Variants in LAMA2 observed in about 807,000 individuals in gnomAD.
LAMA2 encodes laminin subunit alpha-2.
LAMA2 carries 269 observed loss-of-function variants against 364.8 expected under a neutral mutation model. That is an observed-to-expected ratio of 0.74 (90% confidence interval 0.67 to 0.82). The LOEUF (loss-of-function observed/expected upper bound fraction) is 0.82, where lower values mean the gene tolerates loss of function less well. Ranked by LOEUF, LAMA2 falls within the 40% of genes least tolerant of loss-of-function variation. LAMA2 has a pLI of 0.00. For missense variants in LAMA2, 3,807 were observed against 3,873.2 expected (o/e 0.98, Z 0.45); for synonymous variants, 1,379 against 1,370.6 (o/e 1.01, Z -0.14).
chr6:129,289,938 A>T (rs1263436454), intron 19 of LAMA2, among the ~76,000 whole-genome samples: 1 of 152,168 alleles, frequency 6.6e-6, no homozygotes, highest in Non-Finnish European at 1.5e-5. Context: ...ACTTCTATGC[A>T]TAAGTGGTAA....
At chr6:129,141,103 C>T (rs1778098460) in intron 4 of LAMA2, among the ~76,000 whole-genome samples, 1 of 151,980 alleles carries the variant, frequency 6.6e-6, no homozygotes, top group South Asian at 2.1e-4. Flanking sequence ...GTAGCGATTT[C>T]CTCCTTTCTT....
intron 32 of LAMA2, among the ~76,000 whole-genome samples, chr6:129,363,148 T>TA (rs1428492708): frequency 6.6e-6 from 1 of 151,856 alleles, no homozygotes; most frequent in Admixed American, 6.6e-5. Flanking sequence ...ATCTCTATGT[T>TA]AAAAAACTAG....
chr6:129,213,331 A>G (rs1236761908), intron 12 of LAMA2, among the ~76,000 whole-genome samples: 1 of 152,230 alleles, frequency 6.6e-6, no homozygotes, highest in African/African-American at 2.4e-5. Flanking sequence ...TCAAGCTGCT[A>G]TAAACACTTA....
chr6:129,044,058 C>G (rs1466316450), intron 1 of LAMA2, among the ~76,000 whole-genome samples: 2 of 152,050 alleles, frequency 1.3e-5, no homozygotes, highest in Non-Finnish European at 2.9e-5. Flanking sequence ...CTGTGGGTTT[C>G]TATTTGAGTT....
chr6:129,200,029 A>G (rs1311315833), intron 12 of LAMA2, among the ~76,000 whole-genome samples: 1 of 151,638 alleles, frequency 6.6e-6, no homozygotes, highest in Non-Finnish European at 1.5e-5. Flanking sequence ...CAGTGAGCCA[A>G]GATTGGGTCA....
intron 1 of LAMA2, among the ~76,000 whole-genome samples, chr6:128,935,876 C>T (rs1464894125): frequency 6.6e-6 from 1 of 152,028 alleles, no homozygotes; most frequent in Non-Finnish European, 1.5e-5. Flanking sequence ...GCTTTATGTC[C>T]CCACCCAAAT....
chr6:128,977,148 T>A (rs1377596734), intron 1 of LAMA2, among the ~76,000 whole-genome samples: 3 of 152,178 alleles, frequency 2.0e-5, no homozygotes, highest in Non-Finnish European at 4.4e-5. Context: ...TTTTTATTTT[T>A]AATTTCTTTG....
intron 1 of LAMA2, among the ~76,000 whole-genome samples, chr6:128,908,473 GT>G (rs1430428073): frequency 6.7e-6 from 1 of 148,270 alleles, no homozygotes; most frequent in Non-Finnish European, 1.5e-5. Flanking sequence ...TGTGGGATCG[GT>G]GGTGATATCC....
At chr6:129,005,100 G>T (rs1784361482) in intron 1 of LAMA2, among the ~76,000 whole-genome samples, 1 of 151,934 alleles carries the variant, frequency 6.6e-6, no homozygotes, top group Non-Finnish European at 1.5e-5. Context: ...TAAATAAAAA[G>T]TCCTATAGGT....
rs1293303410 is a variant in LAMA2 at position 129,481,347 on chromosome 6, TC to T, written c.7658del (p.Ser2553TyrfsTer54). The T allele has an allele frequency of 2.5e-5, 40 of 1,613,764 alleles. No homozygotes were observed. The highest frequency in any genetic ancestry group is 3.4e-5 in the Non-Finnish European group (40 of 1,179,866). ...TGATGTAGGAACAGAAATCAACCTG[TC>T]ATTCAGCACCAAGAATGAGTCCGGC... ...PIDVGTEINLSFSTKNESGII... is the reference protein window; with the variant it reads ...PIDVGTEINLXFSTKNESGII... On this transcript the variant is annotated frameshift_variant, in exon 55 of 65. Coordinates refer to ENST00000421865, the MANE Select transcript of LAMA2 (RefSeq NM_000426.4). LOFTEE classifies it high-confidence loss of function.
At chr6:129,498,829 G>C (rs376771572) in intron 58 of LAMA2, among the ~76,000 whole-genome samples, 16 of 152,238 alleles carry the variant, frequency 1.1e-4, no homozygotes, top group Admixed American at 4.6e-4. Flanking sequence ...CGAATCATAC[G>C]CACTCCTGAA....
At chr6:129,033,397 A>T (rs1314341227) in intron 1 of LAMA2, among the ~76,000 whole-genome samples, 9 of 152,170 alleles carry the variant, frequency 5.9e-5, no homozygotes, top group Non-Finnish European at 1.2e-4. Flanking sequence ...GGGGAACAGC[A>T]TCTTTCCTGA....
At chr6:129,032,809 A>G (rs1170674460) in intron 1 of LAMA2, among the ~76,000 whole-genome samples, 1 of 152,194 alleles carries the variant, frequency 6.6e-6, no homozygotes, top group East Asian at 1.9e-4. Flanking sequence ...CGGAGTTAGC[A>G]TAATATGAAA....
At chr6:129,354,072 A>C (rs1469681048) in intron 32 of LAMA2, among the ~76,000 whole-genome samples, 2 of 152,192 alleles carry the variant, frequency 1.3e-5, no homozygotes, top group Non-Finnish European at 2.9e-5. Flanking sequence ...GCTCTTCTAT[A>C]GTATTCTTTT....
intron 20 of LAMA2, chr6:129,292,817 G>A (rs1018272392): frequency 5.3e-5 from 52 of 985,678 alleles, no homozygotes; most frequent in Non-Finnish European, 6.0e-5. Flanking sequence ...ATATGTGGCG[G>A]GATCCAGAGA....
chr6:129,442,267 C>T lies in LAMA2; in HGVS notation c.6269-796C>T, dbSNP rs55958652. 5.0e-3 allele frequency: 6,319 copies of T among 1,270,002 alleles called. 262 individuals carry two copies. In the African/African-American group the frequency reaches 0.087, roughly 18 times the overall value. The allele number at this position is 1,270,002 out of a possible 1,614,324, so 78.7% of individuals were successfully genotyped here. ...TATGATATAATAGACATTATTAATA[C>T]GACTCCTTCATGAGCAAGGAAGAGT... On this transcript the variant is annotated intron_variant, in intron 43 of 64. Coordinates refer to ENST00000421865, the MANE Select transcript of LAMA2 (RefSeq NM_000426.4).
intron 1 of LAMA2, among the ~76,000 whole-genome samples, chr6:128,884,549 T>C (rs1776040002): frequency 6.6e-6 from 1 of 152,168 alleles, no homozygotes; most frequent in South Asian, 2.1e-4. Context: ...TAAAGAGATA[T>C]CCCAAGCTCT....
At chr6:129,329,367 T>G (rs912179705) in intron 29 of LAMA2, among the ~76,000 whole-genome samples, 14 of 149,168 alleles carry the variant, frequency 9.4e-5, no homozygotes, top group East Asian at 3.9e-4. Context: ...CACCTTTTTG[T>G]TTTTTTTTTC....
intron 62 of LAMA2, among the ~76,000 whole-genome samples, chr6:129,509,687 T>G (rs1466252864): frequency 6.6e-6 from 1 of 152,182 alleles, no homozygotes; most frequent in Non-Finnish European, 1.5e-5. Flanking sequence ...TATTTCTGGC[T>G]TCTCTATCCT....
Sources: allele counts gnomAD v4.1 joint callset (sites outside exome capture counted in the v4.1 genomes callset), GRCh38; gene constraint gnomAD v4.1.1; transcripts MANE v1.5; gene names NCBI Gene and HGNC (gene_info 2026-07-23, HGNC 2026-07-21).